The following COL6A3 variants were observed in gnomAD, a reference collection of about 807,000 sequenced individuals.
COL6A3 encodes the protein collagen alpha-3(VI) chain.
In COL6A3, 137 loss-of-function variants were observed where a neutral mutation model predicts 274.1. That is an observed-to-expected ratio of 0.50 (90% CI 0.44 to 0.58). COL6A3 has a LOEUF of 0.58. Ranked by LOEUF, COL6A3 falls within the 20% of genes least tolerant of loss-of-function variation. The pLI is 0.00. For synonymous variants in COL6A3, 1,650 were observed against 1,650.6 expected (o/e 1.00, Z 0.01); for missense variants, 3,950 against 4,124.9 (o/e 0.96, Z 1.16).
In COL6A3 at chr2:237,378,870, A is replaced by C; in HGVS notation, c.2263T>G (p.Ser755Ala). 6.2e-7 allele frequency: 1 copy of C among 1,614,246 alleles called. No individual in the cohort carries two copies. Among genetic ancestry groups the C allele is most frequent in the Non-Finnish European group, 8.5e-7 (1 of 1,180,042 alleles). The change falls in exon 6 of 44, where the codon TCT (serine) becomes GCT (alanine). Residue 755 changes from serine to alanine, a missense_variant. Transcript: ENST00000295550. ...GCAGCTTGCAAATAGGAGTCCTCAG[A>C]CTGCCCAGCTGTGAGCAGAAGCAGG... ...QLLLLLTAGQ[S>A]EDSYLQAANA...
chr2:237,360,219 G>A (rs1023561668), intron 16 of COL6A3, 60 bp from the exon 17 acceptor site: 12 of 1,537,312 alleles, frequency 7.8e-6, no homozygotes, highest in Admixed American at 5.1e-5. Context: ...TTTCTCTGCC[G>A]GGCTTGCAGC....
chr2:237,344,693 C>G lies in COL6A3; in HGVS notation c.7325G>C (p.Gly2442Ala). The G allele has an allele frequency of 6.2e-7, 1 of 1,609,588 alleles. No individual in the cohort carries two copies. The highest frequency in any genetic ancestry group is 1.1e-5 in the South Asian group (1 of 90,754). Residue 2442 changes from glycine (G) to alanine (A), a missense_variant, in exon 36 of 44, where the codon GGG (glycine) becomes GCG (alanine). Physicochemically the swap from Gly to Ala is moderately conservative, Grantham distance 60 (BLOSUM62 0). This residue lies in a region of COL6A3 where 1,284 missense variants were observed against 1,349.7 expected (regional missense o/e 0.95). Transcript: ENST00000295550. The surrounding 1 kb of genome is among the most constrained non-coding windows in gnomAD (Gnocchi z 4.8). ...LTIAESNCPRGARVAVVTYNN... is the reference protein window; with the variant it reads ...LTIAESNCPRAARVAVVTYNN... ...GTAGGTGACCACAGCCACCCGGGCC[C>G]CCCGTGGGCAGTTGCTCTCAGCAAT...
intron 4 of COL6A3, among the ~76,000 whole-genome samples, chr2:237,387,072 T>C (rs2078161579): frequency 1.3e-5 from 2 of 152,210 alleles, no homozygotes; most frequent in South Asian, 4.1e-4. Context: ...TGTTATTTCT[T>C]ACCTTCAGAA....
chr2:237,393,946 G>A (rs1217107424), intron 3 of COL6A3, among the ~76,000 whole-genome samples: 1 of 152,218 alleles, frequency 6.6e-6, no homozygotes, highest in African/African-American at 2.4e-5. Context: ...GCACAGCCAT[G>A]ATTACCGCAT....
chr2:237,361,672 C>T lies in COL6A3; in HGVS notation c.6156+67G>A. The T allele has an allele frequency of 7.4e-7, 1 of 1,355,664 alleles. No individual in the cohort carries two copies. The highest frequency in any genetic ancestry group is 1.1e-6 in the Non-Finnish European group (1 of 944,148). 84.0% of individuals were successfully genotyped at this position (1,355,664 alleles called of 1,614,324 possible). On this transcript the variant is annotated intron_variant, in intron 15 of 43. Coordinates refer to ENST00000295550, the MANE Select transcript of COL6A3 (RefSeq NM_004369.4). This position sits in a 1 kb window ranked among gnomAD's most constrained non-coding sequence, Gnocchi z 5.1. ...CACACTCTTCTGTTAGAGAAATTACCCCACCAAAGTAATGTCGGGCTTCTG... is the reference window on the plus strand; with the variant it reads ...CACACTCTTCTGTTAGAGAAATTACTCCACCAAAGTAATGTCGGGCTTCTG...
intron 20 of COL6A3, 128 bp from the exon 21 acceptor site, chr2:237,358,711 A>G: frequency 1.1e-6 from 1 of 902,142 alleles, no homozygotes; most frequent in Non-Finnish European, 1.8e-6. Flanking sequence ...TTCACCATGA[A>G]GGCAAATTCA....
At position 237,366,938 on chromosome 2, in the gene COL6A3, A is replaced by G; in HGVS notation, c.5249T>C (p.Ile1750Thr). Residue 1750 changes from isoleucine (I) to threonine (T), a missense_variant, in exon 11 of 44, where the codon ATC (isoleucine) becomes ACC (threonine). Physicochemically the swap from Ile to Thr is moderately conservative, Grantham distance 89 (BLOSUM62 -1). Transcript: ENST00000295550. Reference protein sequence around the residue: ...DQRVPQIAFVITGGKSVEDAQ... With the variant: ...DQRVPQIAFVTTGGKSVEDAQ... ...ATCTTCCACCGACTTTCCTCCCGTG[A>G]TCACAAAGGCAATCTGAGGGACCCG... 1 of 1,614,222 alleles carries G rather than the reference A, an allele frequency of 6.2e-7. No homozygotes were observed. Among genetic ancestry groups the G allele is most frequent in the Non-Finnish European group, 8.5e-7 (1 of 1,180,032 alleles).
At position 237,372,705 on chromosome 2, in the gene COL6A3, G is replaced by C. The variant is rs146563565; in HGVS notation, c.3680-368C>G. ...GGAGTGACCTCAACTGGAGCACTTG[G>C]GGGAGGAGCAAGGGTGAATGACAAA... On this transcript the variant is annotated intron_variant, in intron 8 of 43. Coordinates refer to ENST00000295550, the MANE Select transcript of COL6A3 (RefSeq NM_004369.4). 4.4e-3 allele frequency among the ~76,000 whole-genome samples: 664 copies of C among 152,316 alleles called. 3 individuals carry two copies. Among genetic ancestry groups the C allele is most frequent in the South Asian group, 0.015 (72 of 4,824 alleles).
At position 237,394,613 on chromosome 2, in the gene COL6A3, T is replaced by C; in HGVS notation, c.683A>G (p.Asp228Gly). 6.2e-7 allele frequency: 1 copy of C among 1,614,130 alleles called. No individual in the cohort carries two copies. The highest frequency in any genetic ancestry group is 1.3e-5 in the African/African-American group (1 of 75,044). Residue 228 changes from aspartate to glycine, a missense_variant, in exon 3 of 44, where the codon GAC becomes GGC. Physicochemically the swap from Asp to Gly is moderately conservative, Grantham distance 94 (BLOSUM62 -1). Around this residue, in one of 5 missense-constraint regions of COL6A3, gnomAD observed 1,934 missense variants for 1,984.3 expected, o/e 0.97. Transcript: ENST00000295550. ...HSSVSPERAG[D>G]TETLKDITAQ... is the part of the protein sequence containing the mutation. Reference sequence around the variant, plus strand: ...TGTGATGTCTTTAAGGGTTTCCGTGTCCCCAGCCCTTTCTGGACTCACGGA... The same window carrying C: ...TGTGATGTCTTTAAGGGTTTCCGTGCCCCCAGCCCTTTCTGGACTCACGGA...
At chr2:237,347,714 A>G in intron 31 of COL6A3, 93 bp downstream of exon 31, 1 of 1,286,122 alleles carries the variant, frequency 7.8e-7, no homozygotes, top group Non-Finnish European at 1.1e-6. Flanking sequence ...GCCAGGGTGC[A>G]AGTGAAGGAT....
chr2:237,358,032 A>G, intron 21 of COL6A3, 150 bp from the exon 22 acceptor site: 1 of 785,146 alleles, frequency 1.3e-6, no homozygotes, highest in Non-Finnish European at 2.3e-6. Flanking sequence ...GGTAACATCC[A>G]TGCAGGTCTT....
intron 23 of COL6A3, 35 bp from the exon 24 acceptor site, chr2:237,354,969 G>T (rs749172468): frequency 6.2e-7 from 1 of 1,608,268 alleles, no homozygotes; most frequent in African/African-American, 1.3e-5. Flanking sequence ...CTGTGAGGGG[G>T]AGCATGGGAC....
chr2:237,406,129 T>TTAATTTTA (rs2078713442), intron 1 of COL6A3, among the ~76,000 whole-genome samples: 2 of 152,156 alleles, frequency 1.3e-5, no homozygotes, highest in African/African-American at 4.8e-5. Context: ...AGGATACCTT[T>TTAATTTTA]CATCAGAAAG....
At chr2:237,387,208 A>G (rs2646253) in intron 4 of COL6A3, among the ~76,000 whole-genome samples, 53,756 of 152,044 alleles carry the variant, frequency 0.35, 10,825 homozygotes, top group African/African-American at 0.56. Flanking sequence ...TCAATGCCAT[A>G]GTCCTGGAGT....
rs371631320 is a variant in COL6A3, at chr2:237,368,785, C to A, written c.4678G>T (p.Ala1560Ser). ...ATGCCCGAGGAACGGATCACCTGGG[C>A]GAACCTGGACACATCGTCCTGGGAT... ...GKSQDDVSRF[A>S]QVIRSSGIVS... Residue 1560 changes from alanine to serine, a missense_variant, in exon 10 of 44, where the codon GCC becomes TCC. By Grantham distance (99) the Ala-to-Ser change is moderately conservative. This residue lies in a region of COL6A3 where 632 missense variants were observed against 623.4 expected (regional missense o/e 1.01). Transcript: ENST00000295550. This position sits in a 1 kb window ranked among gnomAD's most constrained non-coding sequence, Gnocchi z 4.4. The A allele has an allele frequency of 2.1e-5, 34 of 1,614,076 alleles. No homozygotes were observed. Among genetic ancestry groups the A allele is most frequent in the African/African-American group, 4.0e-5 (3 of 74,928 alleles).
chr2:237,392,211 C>T (rs1007765699), intron 3 of COL6A3, among the ~76,000 whole-genome samples: 13 of 152,258 alleles, frequency 8.5e-5, no homozygotes, highest in Non-Finnish European at 1.3e-4. Flanking sequence ...TCTGAAACAC[C>T]CTGGAGCTGG....
At position 237,364,539 on chromosome 2, in the gene COL6A3, G is replaced by A; in HGVS notation, c.5839-111C>T. On this transcript the variant is annotated intron_variant, in intron 12 of 43. Transcript: ENST00000295550. This position sits in a 1 kb window ranked among gnomAD's most constrained non-coding sequence, Gnocchi z 4.6. ...TCAAGCCCTTCATTTTACACTTAAG[G>A]AAACTGAGGGCCCAAGTTGAGGAAT... 1 of 827,306 alleles carries A rather than the reference G, an allele frequency of 1.2e-6. No individual in the cohort carries two copies. The allele number at this position is 827,306 out of a possible 1,614,324, so 51.2% of individuals were successfully genotyped here. A position where few individuals can be genotyped will look rare whatever the true frequency, so the allele number is the denominator to read the frequency against.
Position 237,361,694 on chromosome 2 carries a change from TC to T in COL6A3, c.6156+44del. On this transcript the variant is annotated intron_variant, in intron 15 of 43. Coordinates refer to ENST00000295550, the MANE Select transcript of COL6A3 (RefSeq NM_004369.4). This position sits in a 1 kb window ranked among gnomAD's most constrained non-coding sequence, Gnocchi z 5.1. ...TACCCCACCAAAGTAATGTCGGGCT[TC>T]TGACACCTCATCTCAGGCGTGGGCA... 6.5e-7 allele frequency: 1 copy of T among 1,528,308 alleles called. No individual in the cohort carries two copies. Among genetic ancestry groups the T allele is most frequent in the South Asian group, 1.1e-5 (1 of 89,456 alleles). 94.7% of individuals were successfully genotyped at this position (1,528,308 alleles called of 1,614,324 possible). A position where few individuals can be genotyped will look rare whatever the true frequency, so the allele number is the denominator to read the frequency against.
chr2:237,344,873 G>A lies in COL6A3; in HGVS notation c.7175-30C>T, dbSNP rs761075677. 10 of 1,613,898 alleles carry A rather than the reference G, an allele frequency of 6.2e-6. No individual in the cohort carries two copies. The South Asian group carries it at 8.8e-5, about 14-fold the overall frequency. On this transcript the variant is annotated intron_variant, in intron 35 of 43. Coordinates refer to ENST00000295550, the MANE Select transcript of COL6A3 (RefSeq NM_004369.4). This position sits in a 1 kb window ranked among gnomAD's most constrained non-coding sequence, Gnocchi z 4.8. ...GGAAAGTAGAGGGTGGAGGGTTAAA[G>A]ACAAACTGTACTTACTACAAAAGGG... is the stretch of plus-strand genomic sequence containing the variant.
Sources: gnomAD v4.1 joint callset for allele counts (sites outside exome capture counted in the v4.1 genomes callset) on GRCh38, gnomAD v4.1.1 for gene constraint, gnomAD v4.1.1 regional missense constraint, Gnocchi (gnomAD v3.1) non-coding constraint, MANE v1.5 for transcripts, NCBI Gene and HGNC (gene_info 2026-07-23, HGNC 2026-07-21) for gene names.